Variants in TMEM94 observed in about 807,000 individuals in gnomAD.
TMEM94 encodes transmembrane protein 94.
In TMEM94, 81 loss-of-function variants were observed where a neutral mutation model predicts 158.6. The observed-to-expected ratio is 0.51, with a 90% CI of 0.43 to 0.61. TMEM94 has a LOEUF of 0.61. Ranked by LOEUF, TMEM94 falls within the 20% of genes least tolerant of loss-of-function variation. The probability of loss-of-function intolerance (pLI) is 0.00; values close to 1 mark genes in which losing one functional copy is unlikely to be tolerated. For missense variants in TMEM94, 1,435 were observed against 1,762.0 expected (o/e 0.81, Z 3.32); for synonymous variants, 751 against 730.7 (o/e 1.03, Z -0.45).
At chr17:75,496,841 G>A in intron 25 of TMEM94, 34 bp downstream of exon 25, 1 of 1,596,192 alleles carries the variant, frequency 6.3e-7, no homozygotes, top group Non-Finnish European at 8.6e-7. Context: ...TTGCCCCCGT[G>A]CCACTCACCC....
At chr17:75,459,672 T>G (rs560260404) in intron 1 of TMEM94, 22 of 152,148 alleles carry the variant, frequency 1.4e-4, no homozygotes, top group Non-Finnish European at 2.9e-4. Context: ...ATGAATCAGG[T>G]TGAACTCGTA....
In TMEM94 at chr17:75,495,792, TG is replaced by T. The variant is rs1567973487; in HGVS notation, c.2944+152del. The T allele has an allele frequency of 3.5e-6, 3 of 868,226 alleles. No homozygotes were observed. The allele number at this position is 868,226 out of a possible 1,614,324, so 53.8% of individuals were successfully genotyped here. A position where few individuals can be genotyped will look rare whatever the true frequency, so the allele number is the denominator to read the frequency against. On this transcript the variant is annotated intron_variant, in intron 22 of 31. Coordinates refer to ENST00000314256, the MANE Select transcript of TMEM94 (RefSeq NM_014738.6). The surrounding 1 kb of genome is among the most constrained non-coding windows in gnomAD (Gnocchi z 5.6). ...GGCTGGGATCAGCTGGGGAATCTTG[TG>T]GGTTGGAGTCAGAAGTGCCGATGTT...
intron 1 of TMEM94, among the ~76,000 whole-genome samples, chr17:75,465,655 T>TATATATATATATATATATATATATATA (rs9302993): frequency 1.0e-5 from 1 of 98,846 alleles, no homozygotes; most frequent in African/African-American, 5.3e-5. Flanking sequence ...ATAAGAATTT[T>TATATATATATATATATATATATATATA]TATATATATA....
At chr17:75,464,935 G>T (rs1405559065) in intron 1 of TMEM94, among the ~76,000 whole-genome samples, 4 of 151,770 alleles carry the variant, frequency 2.6e-5, no homozygotes, top group African/African-American at 9.7e-5. Context: ...CCGACCTCAG[G>T]TGATCCACCC....
Position 75,485,291 on chromosome 17 carries a change from G to A in TMEM94, c.25-137G>A, listed in dbSNP as rs2051497470. 3 of 964,698 alleles carry A rather than the reference G, an allele frequency of 3.1e-6. No individual in the cohort carries two copies. In the South Asian group the frequency reaches 4.8e-5, roughly 16 times the overall value. 59.8% of individuals were successfully genotyped at this position (964,698 alleles called of 1,614,324 possible). ...GACATGGTCACACCTTGAGAGGCCA[G>A]AGCTGGTAGGGGAAGAGATGTGAGG... On this transcript the variant is annotated intron_variant, in intron 2 of 31. Transcript: ENST00000314256. The surrounding 1 kb of genome is among the most constrained non-coding windows in gnomAD (Gnocchi z 5.5).
At chr17:75,493,195 T>C (rs2052374327) in intron 16 of TMEM94, 93 bp downstream of exon 16, 3 of 1,338,064 alleles carry the variant, frequency 2.2e-6, no homozygotes, top group Non-Finnish European at 3.1e-6. Flanking sequence ...TAGGGAGGCC[T>C]GGGCAGATGA....
chr17:75,491,081 G>A lies in TMEM94; in HGVS notation c.1161G>A (p.Leu387=). Residue 387 remains leucine (L), a synonymous_variant, in exon 12 of 32, where the codon CTG becomes CTA. Coordinates refer to ENST00000314256, the MANE Select transcript of TMEM94 (RefSeq NM_014738.6). The surrounding 1 kb of genome is among the most constrained non-coding windows in gnomAD (Gnocchi z 5.1). ...EMLRCIWGHF[L]RVLGGTSPTL... is the part of the protein sequence containing the mutation. ...TGCGCTGCATTTGGGGCCACTTCCT[G>A]AGGGTGCTCGGGGGGACATCGCCAA... 6.2e-7 allele frequency: 1 copy of A among 1,613,440 alleles called. No individual in the cohort carries two copies. Among genetic ancestry groups the A allele is most frequent in the Non-Finnish European group, 8.5e-7 (1 of 1,179,698 alleles).
chr17:75,481,246 G>A (rs369839289), intron 2 of TMEM94, among the ~76,000 whole-genome samples: 12 of 152,384 alleles, frequency 7.9e-5, no homozygotes, highest in South Asian at 2.1e-4. Flanking sequence ...AGGTGGGTGC[G>A]TTGGAGCACA....
At position 75,496,038 on chromosome 17, in the gene TMEM94, T is replaced by G; in HGVS notation, c.3017T>G (p.Leu1006Arg). Residue 1006 changes from leucine (L) to arginine (R), a missense_variant, in exon 23 of 32, where the codon CTG becomes CGG. Around this residue, in one of 3 missense-constraint regions of TMEM94, gnomAD observed 49 missense variants for 98.5 expected, o/e 0.50. Coordinates refer to ENST00000314256, the MANE Select transcript of TMEM94 (RefSeq NM_014738.6). ...TGCTGCCTGGGCAGCTCTGCCAACC[T>G]GCGGAACAGCTGCCTCTTCCTCCAG... ...VTCCLGSSANLRNSCLFLQSD... is the reference protein window; with the variant it reads ...VTCCLGSSANRRNSCLFLQSD... The G allele has an allele frequency of 6.2e-7, 1 of 1,613,222 alleles. No individual in the cohort carries two copies. Among genetic ancestry groups the G allele is most frequent in the Non-Finnish European group, 8.5e-7 (1 of 1,179,886 alleles).
intron 1 of TMEM94, among the ~76,000 whole-genome samples, chr17:75,463,008 TAAAAAAA>T (rs1217028321): frequency 2.3e-3 from 13 of 5,684 alleles, no homozygotes; most frequent in East Asian, 0.011. Context: ...ATAAAAAAAG[TAAAAAAA>T]AAAAAAAAAA....
Position 75,485,804 on chromosome 17 carries a change from C to G in TMEM94, c.145-67C>G. 6.6e-7 allele frequency: 1 copy of G among 1,524,144 alleles called. No individual in the cohort carries two copies. The allele number at this position is 1,524,144 out of a possible 1,614,324, so 94.4% of individuals were successfully genotyped here. A position where few individuals can be genotyped will look rare whatever the true frequency, so the allele number is the denominator to read the frequency against. On this transcript the variant is annotated intron_variant, in intron 3 of 31. Coordinates refer to ENST00000314256, the MANE Select transcript of TMEM94 (RefSeq NM_014738.6). This position sits in a 1 kb window ranked among gnomAD's most constrained non-coding sequence, Gnocchi z 5.5. ...CGGCCATGGGGGCTGGGAAGGGTGC[C>G]GGGGGAGGCAGCCAGATTGGAGTGG...
chr17:75,491,160 GTGGGCCTTGCGGGGAGGAGGCAACTGTC>G lies in TMEM94; in HGVS notation c.1233+8_1233+35del, dbSNP rs1231041744. On this transcript the variant is annotated splice_region_variant and intron_variant, in intron 12 of 31. Coordinates refer to ENST00000314256, the MANE Select transcript of TMEM94 (RefSeq NM_014738.6). The surrounding 1 kb of genome is among the most constrained non-coding windows in gnomAD (Gnocchi z 5.1). ...CAGCCTGGGCTCTGTCACGGTGAGGGTGGGCCTTGCGGGGAGGAGGCAACTGTCATGCCCGCCCTGCTCTCTGGCTGGG... is the reference window on the plus strand; with the variant it reads ...CAGCCTGGGCTCTGTCACGGTGAGGGATGCCCGCCCTGCTCTCTGGCTGGG... 6.2e-7 allele frequency: 1 copy of G among 1,605,410 alleles called. No homozygotes were observed. The highest frequency in any genetic ancestry group is 1.7e-5 in the Admixed American group (1 of 59,458).
In TMEM94 at chr17:75,489,672, A is replaced by G; in HGVS notation, c.954+10A>G. 1 of 1,607,718 alleles carries G rather than the reference A, an allele frequency of 6.2e-7. No individual in the cohort carries two copies. The highest frequency in any genetic ancestry group is 1.7e-5 in the Admixed American group (1 of 60,006). ...CCTCCTCCAGCTCCAGGCAAGGACC[A>G]CCCTGTCCTCTCTGTCATGCTTCCC... On this transcript the variant is annotated intron_variant, in intron 9 of 31. Coordinates refer to ENST00000314256, the MANE Select transcript of TMEM94 (RefSeq NM_014738.6). The surrounding 1 kb of genome is among the most constrained non-coding windows in gnomAD (Gnocchi z 5.0).
intron 24 of TMEM94, 22 bp downstream of exon 24, chr17:75,496,493 G>A (rs768557292): frequency 1.6e-5 from 25 of 1,607,438 alleles, no homozygotes; most frequent in South Asian, 2.2e-5. Flanking sequence ...GGCAGGCAAA[G>A]GAGGAGAGAC....
intron 1 of TMEM94, chr17:75,457,800 C>T (rs1048572813): frequency 1.3e-5 from 2 of 152,152 alleles, no homozygotes; most frequent in African/African-American, 4.8e-5. Context: ...TCACCTAGAG[C>T]CAAACTAGAA....
chr17:75,489,419 G>C lies in TMEM94; in HGVS notation c.867+51G>C, dbSNP rs770357048. 6.4e-7 allele frequency: 1 copy of C among 1,573,638 alleles called. No homozygotes were observed. On this transcript the variant is annotated intron_variant, in intron 8 of 31. Coordinates refer to ENST00000314256, the MANE Select transcript of TMEM94 (RefSeq NM_014738.6). The surrounding 1 kb of genome is among the most constrained non-coding windows in gnomAD (Gnocchi z 5.0). Reference sequence around the variant, plus strand: ...CTGCATGGGGCAGAGGAGAGGGCTGGACACGGGGGGGTCTCAGGGCCACTC... The same window carrying C: ...CTGCATGGGGCAGAGGAGAGGGCTGCACACGGGGGGGTCTCAGGGCCACTC...
At chr17:75,488,693 AT>A in intron 6 of TMEM94, 65 bp from the exon 7 acceptor site, 1 of 1,580,988 alleles carries the variant, frequency 6.3e-7, no homozygotes, top group Non-Finnish European at 8.6e-7. Flanking sequence ...ACTTAGATGA[AT>A]TGTCCAGGAA....
At position 75,499,503 on chromosome 17, in the gene TMEM94, C is replaced by T. The variant is rs2053101005; in HGVS notation, c.*169C>T. ...CCCGCTGTCTTCCTGAGCCCTGGGGCTCACTGTGGAGGAGCTGACGGCCTG... is the reference window on the plus strand; with the variant it reads ...CCCGCTGTCTTCCTGAGCCCTGGGGTTCACTGTGGAGGAGCTGACGGCCTG... On this transcript the variant is annotated 3_prime_UTR_variant, in exon 32 of 32. Coordinates refer to ENST00000314256, the MANE Select transcript of TMEM94 (RefSeq NM_014738.6). 3.0e-6 allele frequency: 2 copies of T among 659,554 alleles called. No homozygotes were observed. Among genetic ancestry groups the T allele is most frequent in the Non-Finnish European group, 5.2e-6 (2 of 383,648 alleles). 40.9% of individuals were successfully genotyped at this position (659,554 alleles called of 1,614,324 possible).
chr17:75,461,729 C>T (rs1302208497), intron 1 of TMEM94, among the ~76,000 whole-genome samples: 5 of 151,374 alleles, frequency 3.3e-5, no homozygotes, highest in Admixed American at 2.6e-4. Flanking sequence ...CGAGACCATC[C>T]TGGCTAACAT....
Sources: gnomAD v4.1 joint callset for allele counts (sites outside exome capture counted in the v4.1 genomes callset) on GRCh38, gnomAD v4.1.1 for gene constraint, gnomAD v4.1.1 regional missense constraint, Gnocchi (gnomAD v3.1) non-coding constraint, MANE v1.5 for transcripts, NCBI Gene and HGNC (gene_info 2026-07-23, HGNC 2026-07-21) for gene names.